DCDC1: variants seen among roughly 807,000 people sequenced by gnomAD.
DCDC1 encodes doublecortin domain containing 1.
A neutral mutation model predicts 178.3 loss-of-function variants in DCDC1; 200 were observed. The observed-to-expected ratio is 1.12, with a 90% CI of 1.00 to 1.26. The LOEUF (loss-of-function observed/expected upper bound fraction) is 1.26. Among genes scored for constraint, DCDC1 ranks in the 50% most tolerant of loss-of-function variants. The pLI is 0.00. For synonymous variants in DCDC1, 690 were observed against 604.8 expected (o/e 1.14, Z -2.07); for missense variants, 1,983 against 1,749.2 (o/e 1.13, Z -2.38).
At chr11:31,052,550 C>T (rs886950793) in intron 20 of DCDC1, among the ~76,000 whole-genome samples, 1 of 152,152 alleles carries the variant, frequency 6.6e-6, no homozygotes, top group Non-Finnish European at 1.5e-5. Flanking sequence ...GTGGAATACA[C>T]ATTCCATTCA....
At chr11:30,967,574 T>C (rs1375293854) in intron 20 of DCDC1, among the ~76,000 whole-genome samples, 1 of 152,174 alleles carries the variant, frequency 6.6e-6, no homozygotes, top group Non-Finnish European at 1.5e-5. Flanking sequence ...TAAAGGCTCC[T>C]GGGGCCTGGG....
intron 22 of DCDC1, among the ~76,000 whole-genome samples, chr11:30,927,323 C>T (rs943704938): frequency 5.3e-5 from 8 of 151,688 alleles, no homozygotes; most frequent in African/African-American, 1.2e-4. Context: ...AAATTTTCTT[C>T]CCCAAAAGTT....
chr11:30,959,381 C>T (rs1193094984), intron 20 of DCDC1, among the ~76,000 whole-genome samples: 1 of 152,116 alleles, frequency 6.6e-6, no homozygotes, highest in Non-Finnish European at 1.5e-5. Context: ...CAGCCCCATT[C>T]TCCTCCCTGT....
chr11:30,949,486 C>A (rs942273113), intron 21 of DCDC1, among the ~76,000 whole-genome samples: 1 of 152,034 alleles, frequency 6.6e-6, no homozygotes, highest in Non-Finnish European at 1.5e-5. Context: ...GCCATATGAC[C>A]CAGCAATCCC....
chr11:31,143,035 C>T (rs1964021536), intron 9 of DCDC1, among the ~76,000 whole-genome samples: 1 of 151,900 alleles, frequency 6.6e-6, no homozygotes, highest in African/African-American at 2.4e-5. Flanking sequence ...GACATTTTTC[C>T]AGATACAAAT....
intron 21 of DCDC1, among the ~76,000 whole-genome samples, chr11:30,942,498 C>A (rs976068911): frequency 2.0e-5 from 3 of 152,108 alleles, no homozygotes; most frequent in Non-Finnish European, 4.4e-5. Flanking sequence ...TCTTTCTGAA[C>A]CATGGCAGGG....
intron 20 of DCDC1, among the ~76,000 whole-genome samples, chr11:30,960,111 A>C (rs1949011200): frequency 1.3e-5 from 2 of 152,114 alleles, no homozygotes; most frequent in South Asian, 2.1e-4. Flanking sequence ...TCTAAATTCA[A>C]TCTAAATTAT....
At chr11:31,364,146 C>G (rs897259925) in intron 1 of DCDC1, among the ~76,000 whole-genome samples, 8 of 152,104 alleles carry the variant, frequency 5.3e-5, no homozygotes, top group African/African-American at 1.9e-4. Context: ...TTAAAGTAGG[C>G]TATGTTAAGC....
chr11:31,096,925 G>A (rs1374328232), intron 15 of DCDC1, among the ~76,000 whole-genome samples: 2 of 152,234 alleles, frequency 1.3e-5, no homozygotes, highest in Non-Finnish European at 2.9e-5. Flanking sequence ...GTGTGTGTGT[G>A]TGTGTGCGCG....
chr11:31,315,676 C>CT (rs1387267230), intron 3 of DCDC1, among the ~76,000 whole-genome samples: 2 of 106,192 alleles, frequency 1.9e-5, no homozygotes, highest in Non-Finnish European at 3.6e-5. Flanking sequence ...TTATTAAACT[C>CT]TAAGTTTTAG....
chr11:31,331,050 C>T (rs1949954381), intron 2 of DCDC1, among the ~76,000 whole-genome samples: 1 of 152,132 alleles, frequency 6.6e-6, no homozygotes, highest in African/African-American at 2.4e-5. Flanking sequence ...TTGTTTCTGT[C>T]CTCTTTTATT....
intron 9 of DCDC1, among the ~76,000 whole-genome samples, chr11:31,223,008 C>T (rs1230981711): frequency 3.9e-5 from 6 of 152,042 alleles, no homozygotes; most frequent in African/African-American, 1.2e-4. Flanking sequence ...AAACAATAAA[C>T]TATGTATATA....
chr11:30,931,988 A>G, intron 21 of DCDC1, 36 bp from the exon 22 acceptor site: 2 of 1,566,306 alleles, frequency 1.3e-6, no homozygotes, highest in Non-Finnish European at 1.7e-6. Context: ...AATAATAAAT[A>G]CAGAAGAAGG....
chr11:31,054,503 T>C (rs968965635), intron 20 of DCDC1, among the ~76,000 whole-genome samples: 3 of 152,116 alleles, frequency 2.0e-5, no homozygotes, highest in Non-Finnish European at 2.9e-5. Context: ...AAAATTCATA[T>C]GGAAACAAAA....
rs1946523302 is a variant in DCDC1 at position 30,925,293 on chromosome 11, A to T, written c.2997+16T>A. ...TTAATAAATTAATATTGCCAGTTTC[A>T]AATCCATGTCTTTACCAGTTCATCT... On this transcript the variant is annotated intron_variant, in intron 23 of 38. Coordinates refer to ENST00000684477, the MANE Select transcript of DCDC1 (RefSeq NM_001387274.1). 6.2e-7 allele frequency: 1 copy of T among 1,605,776 alleles called. No individual in the cohort carries two copies. The highest frequency in any genetic ancestry group is 8.5e-7 in the Non-Finnish European group (1 of 1,173,904).
chr11:30,921,140 A>G (rs1206615801), intron 24 of DCDC1, among the ~76,000 whole-genome samples: 1 of 152,208 alleles, frequency 6.6e-6, no homozygotes, highest in East Asian at 1.9e-4. Context: ...AATACTAAAA[A>G]TTGGTCTTTC....
chr11:31,250,421 C>CATATACATATATATATATATATAT (rs1943920511), intron 8 of DCDC1, among the ~76,000 whole-genome samples: 7 of 52,948 alleles, frequency 1.3e-4, no homozygotes, highest in African/African-American at 3.1e-4. Context: ...CACACATATA[C>CATATACATATATATATATATATAT]ATATATATGT....
intron 20 of DCDC1, among the ~76,000 whole-genome samples, chr11:31,045,880 G>A (rs1017220751): frequency 5.9e-5 from 9 of 152,072 alleles, no homozygotes; most frequent in African/African-American, 1.9e-4. Context: ...ACACAGAGCA[G>A]TCCCAAACCC....
chr11:31,260,515 G>T (rs1944710484), intron 8 of DCDC1, among the ~76,000 whole-genome samples: 1 of 152,190 alleles, frequency 6.6e-6, no homozygotes, highest in Non-Finnish European at 1.5e-5. Context: ...AAATGAAATA[G>T]GAAGTGAACA....
Sources: allele counts gnomAD v4.1 joint callset (sites outside exome capture counted in the v4.1 genomes callset), GRCh38; gene constraint gnomAD v4.1.1; transcripts MANE v1.5; gene names NCBI Gene and HGNC (gene_info 2026-07-23, HGNC 2026-07-21).